Variants in MACROD2 observed in about 807,000 individuals in gnomAD.
MACROD2 encodes ADP-ribose glycohydrolase MACROD2.
A neutral mutation model predicts 70.4 loss-of-function variants in MACROD2; 36 were observed. The observed-to-expected ratio is 0.51, with a 90% CI of 0.39 to 0.68. The LOEUF (loss-of-function observed/expected upper bound fraction) is 0.68. MACROD2 is among the 30% of genes least tolerant of loss of function. The pLI is 0.00. For missense variants in MACROD2, 496 were observed against 538.4 expected, an observed-to-expected ratio of 0.92 and a Z score of 0.78; for synonymous variants, 172 against 178.8, an observed-to-expected ratio of 0.96 and a Z score of 0.30.
chr20:15,734,194 G>A (rs987182145), intron 8 of MACROD2, among the ~76,000 whole-genome samples: 5 of 152,192 alleles, frequency 3.3e-5, no homozygotes, highest in Non-Finnish European at 7.3e-5. Context: ...TAAGACCTGG[G>A]CGAGGTTAGC....
At chr20:16,020,285 G>A (rs943027709) in intron 15 of MACROD2, among the ~76,000 whole-genome samples, 2 of 151,892 alleles carry the variant, frequency 1.3e-5, no homozygotes, top group Non-Finnish European at 2.9e-5. Flanking sequence ...TCTGCTCTGG[G>A]CTTTTGCACC....
intron 2 of MACROD2, among the ~76,000 whole-genome samples, chr20:14,008,811 T>C (rs2148615042): frequency 6.6e-6 from 1 of 151,738 alleles, no homozygotes; most frequent in African/African-American, 2.4e-5. Context: ...GAAATAAGTC[T>C]GCACACCTAC....
chr20:14,312,680 T>G (rs2082577375), intron 3 of MACROD2, among the ~76,000 whole-genome samples: 2 of 152,180 alleles, frequency 1.3e-5, no homozygotes, highest in Non-Finnish European at 2.9e-5. Flanking sequence ...CAAATCTAAG[T>G]ATGTATTAAT....
At chr20:14,673,716 C>T (rs140469418) in intron 4 of MACROD2, among the ~76,000 whole-genome samples, 111 of 151,850 alleles carry the variant, frequency 7.3e-4, no homozygotes, top group African/African-American at 2.5e-3. Flanking sequence ...GTGAGGAGTT[C>T]GACACTAGCC....
chr20:14,532,042 T>A (rs1215427913), intron 4 of MACROD2, among the ~76,000 whole-genome samples: 1 of 152,196 alleles, frequency 6.6e-6, no homozygotes, highest in Non-Finnish European at 1.5e-5. Flanking sequence ...GATTTCAATT[T>A]GTACTCACTG....
At chr20:14,991,529 A>G (rs2074904093) in intron 5 of MACROD2, among the ~76,000 whole-genome samples, 1 of 152,184 alleles carries the variant, frequency 6.6e-6, no homozygotes, top group Non-Finnish European at 1.5e-5. Flanking sequence ...GAGGCTGTAA[A>G]AGACAATGCT....
intron 8 of MACROD2, among the ~76,000 whole-genome samples, chr20:15,689,572 A>C (rs955384573): frequency 2.1e-4 from 32 of 152,210 alleles, no homozygotes; most frequent in Non-Finnish European, 4.4e-4. Context: ...ATCAGAGGGA[A>C]GCATTCAGGC....
intron 5 of MACROD2, among the ~76,000 whole-genome samples, chr20:14,850,679 A>G (rs150341360): frequency 6.6e-6 from 1 of 152,282 alleles, no homozygotes; most frequent in East Asian, 1.9e-4. Flanking sequence ...TAAATAATTC[A>G]AAATATCGAA....
intron 13 of MACROD2, among the ~76,000 whole-genome samples, chr20:15,985,198 C>G (rs183980647): frequency 6.6e-6 from 1 of 152,212 alleles, no homozygotes; most frequent in East Asian, 1.9e-4. Flanking sequence ...TACACCGGAC[C>G]TGTTTTTGTT....
In MACROD2 at chr20:14,702,611, G is replaced by A. The variant is rs1188207834; in HGVS notation, c.418+17652G>A. 3.3e-3 allele frequency among the ~76,000 whole-genome samples: 83 copies of A among 25,382 alleles called. 11 individuals carry two copies. The highest frequency in any genetic ancestry group is 0.01 in the African/African-American group (60 of 5,934). 16.7% of individuals were successfully genotyped at this position (25,382 alleles called of 152,430 possible). On this transcript the variant is annotated intron_variant, in intron 5 of 17. Coordinates refer to ENST00000684519, the MANE Select transcript of MACROD2 (RefSeq NM_001351661.2). ...TGTATATATATGTGTGTATATATATGTGTATATATATATACATATATATAT... is the reference window on the plus strand; with the variant it reads ...TGTATATATATGTGTGTATATATATATGTATATATATATACATATATATAT...
At chr20:15,462,621 T>A (rs550897289) in intron 7 of MACROD2, among the ~76,000 whole-genome samples, 11 of 152,190 alleles carry the variant, frequency 7.2e-5, no homozygotes, top group Non-Finnish European at 1.5e-4. Context: ...AATATGCAAG[T>A]GATATTTTGT....
chr20:14,689,270 T>G (rs1600543034), intron 5 of MACROD2, among the ~76,000 whole-genome samples: 1 of 152,246 alleles, frequency 6.6e-6, no homozygotes, highest in Non-Finnish European at 1.5e-5. Context: ...ATTGCTTACT[T>G]GTAAAGTTAA....
rs147542811 is a variant in MACROD2, at chr20:15,153,772, A to G, written c.419-76168A>G. On this transcript the variant is annotated intron_variant, in intron 5 of 17. Coordinates refer to ENST00000684519, the MANE Select transcript of MACROD2 (RefSeq NM_001351661.2). ...TCTATTGGGTGAGTAGGGCCTGGAA[A>G]GCATATGGAGGGCTTCTGGGGCATT... Among the ~76,000 whole-genome samples the G allele has an allele frequency of 3.4e-3, 518 of 152,286 alleles. 1 individual carries two copies. The highest frequency in any genetic ancestry group is 0.011 in the African/African-American group (476 of 41,562).
intron 7 of MACROD2, among the ~76,000 whole-genome samples, chr20:15,472,532 T>C (rs2046974962): frequency 6.6e-6 from 1 of 152,164 alleles, no homozygotes; most frequent in African/African-American, 2.4e-5. Flanking sequence ...CTGTTTTTTT[T>C]CTATTAATAA....
intron 5 of MACROD2, among the ~76,000 whole-genome samples, chr20:14,784,101 A>G (rs1342450982): frequency 6.6e-6 from 1 of 152,096 alleles, no homozygotes; most frequent in East Asian, 1.9e-4. Flanking sequence ...CTGGCTAATT[A>G]AGAGAAAACA....
intron 5 of MACROD2, among the ~76,000 whole-genome samples, chr20:14,806,726 T>C (rs148982727): frequency 6.6e-6 from 1 of 152,162 alleles, no homozygotes; most frequent in African/African-American, 2.4e-5. Flanking sequence ...TAGTCTGAAG[T>C]TGACCTGGGA....
chr20:15,583,628 TTTTTTG>T (rs145519865), intron 8 of MACROD2, among the ~76,000 whole-genome samples: 2,188 of 152,114 alleles, frequency 0.014, 58 homozygotes, highest in African/African-American at 0.049. Flanking sequence ...ATGCCATGTG[TTTTTTG>T]TTTTTGTTTT....
rs2084817549 is a variant in MACROD2, at chr20:14,493,515, C to T, written c.301+7C>T. On this transcript the variant is annotated splice_region_variant and intron_variant, in intron 4 of 17. Coordinates refer to ENST00000684519, the MANE Select transcript of MACROD2 (RefSeq NM_001351661.2). ...CTTCTTGGAGGAGGAGGTGGTAAGT[C>T]CTGAACATCACTTAACTTAAAATAC... 5 of 1,605,592 alleles carry T rather than the reference C, an allele frequency of 3.1e-6. No individual in the cohort carries two copies. The highest frequency in any genetic ancestry group is 4.3e-6 in the Non-Finnish European group (5 of 1,173,978).
intron 8 of MACROD2, among the ~76,000 whole-genome samples, chr20:15,642,020 C>T (rs908020661): frequency 3.3e-5 from 5 of 152,150 alleles, no homozygotes; most frequent in Non-Finnish European, 5.9e-5. Context: ...GCCTTTTGGG[C>T]ATAAGAAGCC....
Sources: gnomAD v4.1 joint callset for allele counts (sites outside exome capture counted in the v4.1 genomes callset) on GRCh38, gnomAD v4.1.1 for gene constraint, MANE v1.5 for transcripts, NCBI Gene and HGNC (gene_info 2026-07-23, HGNC 2026-07-21) for gene names.